KIRREL3: variants seen among roughly 807,000 people sequenced by gnomAD.
KIRREL3 encodes the protein kin of IRRE-like protein 3.
KIRREL3 carries 36 observed loss-of-function variants against 89.7 expected under a neutral mutation model. That is an observed-to-expected ratio of 0.40 (90% confidence interval 0.31 to 0.53). KIRREL3 has a LOEUF of 0.53. Ranked by LOEUF, KIRREL3 falls within the 20% of genes least tolerant of loss-of-function variation. The pLI is 0.49. For synonymous variants in KIRREL3, 445 were observed against 441.4 expected, an observed-to-expected ratio of 1.01 and a Z score of -0.10; for missense variants, 864 against 1,056.6, an observed-to-expected ratio of 0.82 and a Z score of 2.53.
chr11:126,627,086 T>A lies in KIRREL3; in HGVS notation c.56-64174A>T, dbSNP rs1279597658. 3.3e-5 allele frequency among the ~76,000 whole-genome samples: 5 copies of A among 151,764 alleles called. No homozygotes were observed. Among genetic ancestry groups the A allele is most frequent in the Admixed American group, 6.6e-5 (1 of 15,254 alleles). ...GTGTGTGCATGCATGTGTGTGTATG[T>A]GTGTGTGAAGGAATGAGGCAGAGCT... On this transcript the variant is annotated intron_variant, in intron 1 of 16. Coordinates refer to ENST00000525144, the MANE Select transcript of KIRREL3 (RefSeq NM_032531.4). The surrounding 1 kb of genome is among the most constrained non-coding windows in gnomAD (Gnocchi z 5.0).
In KIRREL3 at chr11:126,495,924, T is replaced by A. The variant is rs930295374; in HGVS notation, c.434-22458A>T. ...CTCTCGTATCCTAATTGCTGTGGGC[T>A]CCACCTTTGAAACATGCACAGATCA... is the stretch of plus-strand genomic sequence containing the variant. On this transcript the variant is annotated intron_variant, in intron 4 of 16. Coordinates refer to ENST00000525144, the MANE Select transcript of KIRREL3 (RefSeq NM_032531.4). This position sits in a 1 kb window ranked among gnomAD's most constrained non-coding sequence, Gnocchi z 6.5. Among the ~76,000 whole-genome samples the A allele has an allele frequency of 6.6e-6, 1 of 152,332 alleles. No homozygotes were observed. The highest frequency in any genetic ancestry group is 3.4e-3 in the Middle Eastern group (1 of 294).
Position 126,684,999 on chromosome 11 carries a change from T to TCGTCTTCTCCTC in KIRREL3, c.56-122088_56-122087insGAGGAGAAGACG, listed in dbSNP as rs1345083411. ...TTTCTGGCTTCCCTCTTTTTCTCCT[T>TCGTCTTCTCCTC]CCTCTTCTCCTCCTCTAATATGGAA... On this transcript the variant is annotated intron_variant, in intron 1 of 16. Coordinates refer to ENST00000525144, the MANE Select transcript of KIRREL3 (RefSeq NM_032531.4). This position sits in a 1 kb window ranked among gnomAD's most constrained non-coding sequence, Gnocchi z 4.2. Among the ~76,000 whole-genome samples, 5 of 152,126 alleles carry TCGTCTTCTCCTC rather than the reference T, an allele frequency of 3.3e-5. No homozygotes were observed. The highest frequency in any genetic ancestry group is 3.9e-4 in the East Asian group (2 of 5,188).
Position 126,755,729 on chromosome 11 carries a change from C to A in KIRREL3, c.56-192817G>T, listed in dbSNP as rs1464249909. Among the ~76,000 whole-genome samples, 1 of 152,056 alleles carries A rather than the reference C, an allele frequency of 6.6e-6. No individual in the cohort carries two copies. The highest frequency in any genetic ancestry group is 1.5e-5 in the Non-Finnish European group (1 of 68,022). On this transcript the variant is annotated intron_variant, in intron 1 of 16. Coordinates refer to ENST00000525144, the MANE Select transcript of KIRREL3 (RefSeq NM_032531.4). This position sits in a 1 kb window ranked among gnomAD's most constrained non-coding sequence, Gnocchi z 4.3. ...CTCCTTGTCAGAATGTGTCTTCCTG[C>A]CAGCTTCAAGCAACTCTTTCCATGC...
intron 1 of KIRREL3, among the ~76,000 whole-genome samples, chr11:126,741,910 G>T (rs1948999801): frequency 6.6e-6 from 1 of 152,200 alleles, no homozygotes; most frequent in Non-Finnish European, 1.5e-5. Flanking sequence ...TAGGTGAGAG[G>T]GGGAGAGTGA....
intron 1 of KIRREL3, among the ~76,000 whole-genome samples, chr11:126,915,143 G>T (rs956693356): frequency 3.9e-5 from 6 of 152,266 alleles, no homozygotes; most frequent in Admixed American, 3.3e-4. Flanking sequence ...AAAAACAGCA[G>T]ATTTCATTGC....
chr11:126,509,165 C>G (rs540282422), intron 4 of KIRREL3, among the ~76,000 whole-genome samples: 3 of 152,224 alleles, frequency 2.0e-5, no homozygotes, highest in Non-Finnish European at 4.4e-5. Flanking sequence ...AACCCCCCAG[C>G]TTTTTGCTCT....
chr11:126,931,037 G>A lies in KIRREL3; in HGVS notation c.55+69418C>T, dbSNP rs1401645287. 1.3e-5 allele frequency among the ~76,000 whole-genome samples: 2 copies of A among 152,200 alleles called. No individual in the cohort carries two copies. The highest frequency in any genetic ancestry group is 4.8e-5 in the African/African-American group (2 of 41,444). Reference sequence around the variant, plus strand: ...CATCTCCCACTCTCACACAGGACGAGTGTAGACAGCACCTTCTCTCAGAAA... The same window carrying A: ...CATCTCCCACTCTCACACAGGACGAATGTAGACAGCACCTTCTCTCAGAAA... On this transcript the variant is annotated intron_variant, in intron 1 of 16. Coordinates refer to ENST00000525144, the MANE Select transcript of KIRREL3 (RefSeq NM_032531.4). The surrounding 1 kb of genome is among the most constrained non-coding windows in gnomAD (Gnocchi z 5.1).
intron 1 of KIRREL3, among the ~76,000 whole-genome samples, chr11:126,770,958 C>T (rs2134297943): frequency 6.6e-6 from 1 of 152,326 alleles, no homozygotes; most frequent in African/African-American, 2.4e-5. Flanking sequence ...GCCTCAGCCT[C>T]CCGAGTAGCT....
upstream of KIRREL3, among the ~76,000 whole-genome samples, chr11:127,002,586 G>C (rs191247156): frequency 6.6e-6 from 1 of 152,242 alleles, no homozygotes; most frequent in Admixed American, 6.5e-5. Flanking sequence ...GTATAGCGCC[G>C]TCACCTTAGT....
rs570925718 is a variant in KIRREL3, at chr11:126,457,215, GT to G, written c.743-762del. On this transcript the variant is annotated intron_variant, in intron 6 of 16. Transcript: ENST00000525144. ...TGTGTGTGTGTGTGTGTGTGTATGT[GT>G]ATGTGTGTGTATGCATGTGTATATG... 9.6e-4 allele frequency among the ~76,000 whole-genome samples: 144 copies of G among 150,684 alleles called. 2 individuals are homozygous for G. The South Asian group carries it at 0.028, about 29-fold the overall frequency.
intron 2 of KIRREL3, among the ~76,000 whole-genome samples, chr11:126,532,597 A>C (rs895783656): frequency 6.6e-6 from 1 of 152,112 alleles, no homozygotes. Context: ...ACTGGTGTCG[A>C]ACTCCTGACC....
intron 2 of KIRREL3, among the ~76,000 whole-genome samples, chr11:126,554,139 GA>G (rs1479833462): frequency 6.6e-6 from 1 of 152,156 alleles, no homozygotes; most frequent in Non-Finnish European, 1.5e-5. Context: ...TGATCCTCTA[GA>G]AACCATTTCC....
intron 1 of KIRREL3, among the ~76,000 whole-genome samples, chr11:126,974,315 C>T (rs1949509183): frequency 6.6e-6 from 1 of 152,132 alleles, no homozygotes; most frequent in Non-Finnish European, 1.5e-5. Flanking sequence ...AGTCATGCAT[C>T]ACTTAACGGA....
At chr11:126,497,799 G>C (rs1957722205) in intron 4 of KIRREL3, among the ~76,000 whole-genome samples, 1 of 152,174 alleles carries the variant, frequency 6.6e-6, no homozygotes, top group Non-Finnish European at 1.5e-5. Context: ...GGAGGGAGGG[G>C]CCCCTATACC....
chr11:126,680,288 A>G (rs1009394102), intron 1 of KIRREL3, among the ~76,000 whole-genome samples: 1 of 152,176 alleles, frequency 6.6e-6, no homozygotes, highest in African/African-American at 2.4e-5. Context: ...GAAAAGGCAA[A>G]AAATAGGCTG....
At position 126,601,025 on chromosome 11, in the gene KIRREL3, CA is replaced by C. The variant is rs1219986931; in HGVS notation, c.56-38114del. Among the ~76,000 whole-genome samples, 4 of 152,170 alleles carry C rather than the reference CA, an allele frequency of 2.6e-5. No homozygotes were observed. Among genetic ancestry groups the C allele is most frequent in the Admixed American group, 2.6e-4 (4 of 15,260 alleles). On this transcript the variant is annotated intron_variant, in intron 1 of 16. Coordinates refer to ENST00000525144, the MANE Select transcript of KIRREL3 (RefSeq NM_032531.4). The surrounding 1 kb of genome is among the most constrained non-coding windows in gnomAD (Gnocchi z 5.8). Reference sequence around the variant, plus strand: ...CCAGTGACCTTTTCAGGAAATTACCCAGGATTTCACAATCTTAGTCAGAAGC... The same window carrying C: ...CCAGTGACCTTTTCAGGAAATTACCCGGATTTCACAATCTTAGTCAGAAGC...
intron 1 of KIRREL3, among the ~76,000 whole-genome samples, chr11:126,617,146 G>A (rs992797425): frequency 6.6e-6 from 1 of 152,256 alleles, no homozygotes; most frequent in Admixed American, 6.5e-5. Flanking sequence ...TAGTGGGCCT[G>A]TTAGCCTGAC....
At chr11:126,988,295 C>T (rs1392406048) in intron 1 of KIRREL3, among the ~76,000 whole-genome samples, 2 of 152,156 alleles carry the variant, frequency 1.3e-5, no homozygotes, top group Non-Finnish European at 2.9e-5. Flanking sequence ...AGAGAGCAGT[C>T]GCTAGCCATG....
chr11:126,490,230 G>GTGT lies in KIRREL3; in HGVS notation c.434-16765_434-16764insACA, dbSNP rs1957475433. Reference sequence around the variant, plus strand: ...TGTGTGTGTGTGTGTGTGTGTGTGTGGCGGGGGCGGGGGAGGCAAGGCAGC... The same window carrying GTGT: ...TGTGTGTGTGTGTGTGTGTGTGTGTGTGTGCGGGGGCGGGGGAGGCAAGGCAGC... On this transcript the variant is annotated intron_variant, in intron 4 of 16. Transcript: ENST00000525144. This position sits in a 1 kb window ranked among gnomAD's most constrained non-coding sequence, Gnocchi z 4.2. Among the ~76,000 whole-genome samples, 1 of 144,396 alleles carries GTGT rather than the reference G, an allele frequency of 6.9e-6. No homozygotes were observed. Among genetic ancestry groups the GTGT allele is most frequent in the African/African-American group, 2.5e-5 (1 of 39,482 alleles). 94.7% of individuals were successfully genotyped at this position (144,396 alleles called of 152,430 possible). A position where few individuals can be genotyped will look rare whatever the true frequency, so the allele number is the denominator to read the frequency against.
Sources: gnomAD v4.1 joint callset for allele counts (sites outside exome capture counted in the v4.1 genomes callset) on GRCh38, gnomAD v4.1.1 for gene constraint, Gnocchi (gnomAD v3.1) non-coding constraint, MANE v1.5 for transcripts, NCBI Gene and HGNC (gene_info 2026-07-23, HGNC 2026-07-21) for gene names.